The following CDH18 variants were observed in gnomAD, a reference collection of about 807,000 sequenced individuals.
The protein encoded by CDH18 is cadherin-18.
Under a neutral mutation model 67.9 loss-of-function variants are expected in CDH18, and 31 were observed. The ratio of observed to expected loss-of-function variants is 0.46; its 90% CI spans 0.34 to 0.62. The LOEUF (loss-of-function observed/expected upper bound fraction) is 0.62. Ranked by LOEUF, CDH18 falls within the 20% of genes least tolerant of loss-of-function variation. The pLI, the probability that CDH18 is intolerant of heterozygous loss-of-function variation, is 0.01. For synonymous variants in CDH18, 362 were observed against 347.2 expected (o/e 1.04, Z -0.48); for missense variants, 890 against 975.5 (o/e 0.91, Z 1.17).
chr5:20,049,117 A>C (rs1170920154), intron 2 of CDH18, among the ~76,000 whole-genome samples: 1 of 151,888 alleles, frequency 6.6e-6, no homozygotes, highest in African/African-American at 2.4e-5. Flanking sequence ...ACTAAATGGT[A>C]GAGTATAAGA....
chr5:20,009,008 T>C (rs1191151062), intron 2 of CDH18, among the ~76,000 whole-genome samples: 1 of 152,112 alleles, frequency 6.6e-6, no homozygotes, highest in African/African-American at 2.4e-5. Flanking sequence ...TACACTCAAA[T>C]AGGACGCATA....
At chr5:20,508,374 T>G (rs1424299233) in intron 1 of CDH18, among the ~76,000 whole-genome samples, 1 of 144,584 alleles carries the variant, frequency 6.9e-6, no homozygotes. Flanking sequence ...TATGTATATT[T>G]ATTTGGAAAA....
At chr5:19,947,585 CAAAAAAAA>C (rs35601486) in intron 2 of CDH18, among the ~76,000 whole-genome samples, 5 of 53,308 alleles carry the variant, frequency 9.4e-5, no homozygotes, top group East Asian at 1.0e-3. Context: ...TACTAAAATA[CAAAAAAAA>C]AAAAAAAAAA....
intron 1 of CDH18, among the ~76,000 whole-genome samples, chr5:20,256,933 GTATC>G (rs11272126): frequency 0.021 from 2,565 of 120,818 alleles, 27 homozygotes; most frequent in South Asian, 0.031. Flanking sequence ...TAGCTTGGTG[GTATC>G]TATCTATCTA....
rs1044975819 is a variant in CDH18, at chr5:19,558,336, C to T, written c.1253+13243G>A. ...AAATTGAAACAAAAAACATACAATA[C>T]AATAGATAAATGAAACAAAAAGTTA... On this transcript the variant is annotated intron_variant, in intron 8 of 12. Transcript: ENST00000382275. 4.6e-5 allele frequency among the ~76,000 whole-genome samples: 7 copies of T among 151,528 alleles called. No homozygotes were observed. In the South Asian group the frequency reaches 6.3e-4, roughly 14 times the overall value.
chr5:20,056,250 C>T (rs1191326892), intron 2 of CDH18, among the ~76,000 whole-genome samples: 1 of 149,492 alleles, frequency 6.7e-6, no homozygotes, highest in Non-Finnish European at 1.5e-5. Flanking sequence ...GTGATCCACC[C>T]GCCTTGGCCT....
At chr5:20,051,648 T>G (rs967480464) in intron 2 of CDH18, among the ~76,000 whole-genome samples, 1 of 151,962 alleles carries the variant, frequency 6.6e-6, no homozygotes, top group South Asian at 2.1e-4. Flanking sequence ...CAAAAGAAGA[T>G]ATTCCAAGAA....
intron 2 of CDH18, among the ~76,000 whole-genome samples, chr5:20,211,280 G>A (rs1275787267): frequency 6.6e-6 from 1 of 152,116 alleles, no homozygotes; most frequent in Non-Finnish European, 1.5e-5. Context: ...AGCTCAATGA[G>A]GCCTGCCTGC....
chr5:20,005,871 T>C (rs768734417), intron 2 of CDH18, among the ~76,000 whole-genome samples: 1 of 152,044 alleles, frequency 6.6e-6, no homozygotes, highest in Non-Finnish European at 1.5e-5. Context: ...TTTCATGGAT[T>C]GATTTCTATG....
chr5:19,733,644 G>T (rs577391871), intron 4 of CDH18, among the ~76,000 whole-genome samples: 1 of 152,136 alleles, frequency 6.6e-6, no homozygotes, highest in Non-Finnish European at 1.5e-5. Context: ...GAGGGCAGCC[G>T]CCTCGTATGA....
At chr5:20,068,870 T>C (rs1180659144) in intron 2 of CDH18, among the ~76,000 whole-genome samples, 3 of 152,140 alleles carry the variant, frequency 2.0e-5, no homozygotes, top group South Asian at 2.1e-4. Flanking sequence ...AGGTTATTGA[T>C]TGGATCAGTA....
At chr5:19,685,605 C>T (rs774977380) in intron 5 of CDH18, among the ~76,000 whole-genome samples, 6 of 152,158 alleles carry the variant, frequency 3.9e-5, no homozygotes, top group Non-Finnish European at 8.8e-5. Flanking sequence ...AGGATGGCCA[C>T]ATTTCCTCCA....
At chr5:20,320,530 C>T (rs574378246) in intron 1 of CDH18, among the ~76,000 whole-genome samples, 10 of 152,124 alleles carry the variant, frequency 6.6e-5, no homozygotes, top group African/African-American at 1.7e-4. Flanking sequence ...GAATGTTGTT[C>T]TAAGAAATTC....
intron 2 of CDH18, among the ~76,000 whole-genome samples, chr5:19,968,379 C>T (rs1165003824): frequency 2.0e-5 from 3 of 152,048 alleles, no homozygotes; most frequent in East Asian, 1.9e-4. Flanking sequence ...GAGCCTGCAT[C>T]GCCCAGTCAA....
intron 2 of CDH18, among the ~76,000 whole-genome samples, chr5:19,873,152 G>T (rs1307067497): frequency 6.6e-6 from 1 of 151,086 alleles, no homozygotes; most frequent in African/African-American, 2.4e-5. Context: ...TTGGGGAAAA[G>T]CTCATGTATA....
chr5:20,376,659 C>G (rs1045855696), intron 1 of CDH18, among the ~76,000 whole-genome samples: 2 of 151,904 alleles, frequency 1.3e-5, no homozygotes, highest in African/African-American at 4.8e-5. Context: ...TAGGAACATG[C>G]CATGATGTTC....
chr5:19,569,790 T>C (rs1165419173), intron 8 of CDH18, among the ~76,000 whole-genome samples: 1 of 152,148 alleles, frequency 6.6e-6, no homozygotes, highest in East Asian at 1.9e-4. Context: ...GTTCTCAGTG[T>C]AAAGAAACGA....
At chr5:20,109,390 G>C (rs1747256498) in intron 2 of CDH18, among the ~76,000 whole-genome samples, 1 of 152,160 alleles carries the variant, frequency 6.6e-6, no homozygotes. Flanking sequence ...GCTCTAGCAG[G>C]CACACTGACG....
At chr5:20,203,581 A>AAGAGAGAGAGAGAGAGAGAGAGAGAGAG (rs57913549) in intron 2 of CDH18, among the ~76,000 whole-genome samples, 147 of 145,552 alleles carry the variant, frequency 1.0e-3, no homozygotes, top group African/African-American at 3.5e-3. Flanking sequence ...GTGGAGGGAA[A>AAGAGAGAGAGAGAGAGAGAGAGAGAGAG]AGAGAGAGAG....
Sources: allele counts gnomAD v4.1 joint callset (sites outside exome capture counted in the v4.1 genomes callset), GRCh38; gene constraint gnomAD v4.1.1; transcripts MANE v1.5; gene names NCBI Gene and HGNC (gene_info 2026-07-23, HGNC 2026-07-21).